Variants in RYR2 observed in about 807,000 individuals in gnomAD.
RYR2 encodes the protein ryanodine receptor 2.
Under a neutral mutation model 601.1 loss-of-function variants are expected in RYR2, and 227 were observed. The ratio of observed to expected loss-of-function variants is 0.38; its 90% CI spans 0.34 to 0.42. The LOEUF (loss-of-function observed/expected upper bound fraction) is 0.42, where lower values mean the gene tolerates loss of function less well. RYR2 is among the 10% of genes least tolerant of loss of function. The probability of loss-of-function intolerance (pLI) is 1.00; values close to 1 mark genes in which losing one functional copy is unlikely to be tolerated. For synonymous variants in RYR2, 2,223 were observed against 2,175.1 expected, an observed-to-expected ratio of 1.02 and a Z score of -0.61; for missense variants, 4,646 against 6,156.5, an observed-to-expected ratio of 0.75 and a Z score of 8.21.
intron 94 of RYR2, 115 bp from the exon 95 acceptor site, chr1:237,793,752 T>C (rs1428895306): frequency 1.3e-6 from 1 of 780,634 alleles, no homozygotes; most frequent in South Asian, 1.7e-5. Flanking sequence ...CATTTTTACC[T>C]TCCTAGAAGT....
At chr1:237,050,464 C>T (rs10925299) in intron 1 of RYR2, among the ~76,000 whole-genome samples, 33,627 of 152,154 alleles carry the variant, frequency 0.22, 5,978 homozygotes, top group African/African-American at 0.49. Context: ...CCACACATCT[C>T]ATCACCATGA....
chr1:237,602,760 G>A (rs1376474536), intron 35 of RYR2, among the ~76,000 whole-genome samples: 1 of 152,200 alleles, frequency 6.6e-6, no homozygotes, highest in Non-Finnish European at 1.5e-5. Context: ...TGTGCCATGT[G>A]AAAAGGTTAG....
At chr1:237,759,627 C>T (rs192938982) in intron 82 of RYR2, 149 bp from the exon 83 acceptor site, 1 of 645,426 alleles carries the variant, frequency 1.5e-6, no homozygotes, top group East Asian at 2.7e-5. Context: ...TGTGTTCCTA[C>T]TTCATGATAA....
chr1:237,491,158 TACCTAAAAATACCACG>T (rs1558908966), intron 17 of RYR2, among the ~76,000 whole-genome samples: 1 of 152,252 alleles, frequency 6.6e-6, no homozygotes, highest in Non-Finnish European at 1.5e-5. Flanking sequence ...TGGTGGCTAG[TACCTAAAAATACCACG>T]ATTTTTAATC....
At chr1:237,273,487 C>T (rs550348226) in intron 2 of RYR2, among the ~76,000 whole-genome samples, 16 of 152,036 alleles carry the variant, frequency 1.1e-4, no homozygotes, top group African/African-American at 2.9e-4. Context: ...GACTGTGGCA[C>T]GAGGAATGGT....
intron 72 of RYR2, among the ~76,000 whole-genome samples, chr1:237,718,055 C>A (rs999204841): frequency 6.6e-6 from 1 of 152,134 alleles, no homozygotes; most frequent in Non-Finnish European, 1.5e-5. Context: ...ACTGGCAGTT[C>A]TCTAGAGTTT....
At chr1:237,044,751 C>T (rs1660347192) in intron 1 of RYR2, among the ~76,000 whole-genome samples, 1 of 151,296 alleles carries the variant, frequency 6.6e-6, no homozygotes, top group South Asian at 2.1e-4. Context: ...GGCTTCTCCA[C>T]CCATTACCCT....
At chr1:237,110,149 G>A (rs1669293290) in intron 1 of RYR2, among the ~76,000 whole-genome samples, 1 of 151,916 alleles carries the variant, frequency 6.6e-6, no homozygotes. Context: ...TTTTACTCAA[G>A]TTCTTAAACT....
chr1:237,658,610 C>G (rs1034005650), intron 54 of RYR2, among the ~76,000 whole-genome samples: 4 of 152,140 alleles, frequency 2.6e-5, no homozygotes, highest in African/African-American at 9.7e-5. Context: ...CCAGGCTGGT[C>G]TCCAACTGTT....
At chr1:237,126,101 G>A (rs1240848827) in intron 1 of RYR2, among the ~76,000 whole-genome samples, 1 of 152,186 alleles carries the variant, frequency 6.6e-6, no homozygotes, top group Non-Finnish European at 1.5e-5. Flanking sequence ...GCCAGGCATG[G>A]TGGCGGGCGC....
intron 3 of RYR2, among the ~76,000 whole-genome samples, chr1:237,339,276 T>G (rs1163364373): frequency 1.3e-5 from 2 of 152,158 alleles, no homozygotes; most frequent in Non-Finnish European, 2.9e-5. Context: ...CTGCTTGGAA[T>G]ATGATAAGAA....
chr1:237,395,228 T>C (rs1381920550), intron 10 of RYR2, among the ~76,000 whole-genome samples: 2 of 152,194 alleles, frequency 1.3e-5, no homozygotes, highest in African/African-American at 2.4e-5. Flanking sequence ...TTGGTAAAAC[T>C]TAGATGGTAG....
chr1:237,466,704 A>G (rs938367017), intron 16 of RYR2, among the ~76,000 whole-genome samples: 1 of 151,398 alleles, frequency 6.6e-6, no homozygotes, highest in Non-Finnish European at 1.5e-5. Context: ...CGTATTTACC[A>G]TTTTTCACCC....
At chr1:237,671,398 T>G (rs143493822) in intron 58 of RYR2, among the ~76,000 whole-genome samples, 1 of 152,164 alleles carries the variant, frequency 6.6e-6, no homozygotes, top group East Asian at 1.9e-4. Flanking sequence ...GGGAGGATCC[T>G]TATAGCCAAC....
rs1476937108 is a variant in RYR2, at chr1:237,832,650, T to C, written c.*3T>C. 6.3e-7 allele frequency: 1 copy of C among 1,593,256 alleles called. No individual in the cohort carries two copies. Among genetic ancestry groups the C allele is most frequent in the Non-Finnish European group, 8.6e-7 (1 of 1,162,490 alleles). On this transcript the variant is annotated 3_prime_UTR_variant, in exon 105 of 105. Coordinates refer to ENST00000366574, the MANE Select transcript of RYR2 (RefSeq NM_001035.3). Reference sequence around the variant, plus strand: ...AGTATGAAGACCAGCTAAATTAAACTCAGACCCAATCACCTCTAAAAACCA... The same window carrying C: ...AGTATGAAGACCAGCTAAATTAAACCCAGACCCAATCACCTCTAAAAACCA...
intron 10 of RYR2, among the ~76,000 whole-genome samples, chr1:237,403,542 T>C (rs1182929671): frequency 6.6e-6 from 1 of 152,160 alleles, no homozygotes; most frequent in African/African-American, 2.4e-5. Flanking sequence ...TCTCCCACCT[T>C]GGTCTCCTGA....
chr1:237,106,214 G>A lies in RYR2; in HGVS notation c.48+63645G>A, dbSNP rs948969235. On this transcript the variant is annotated intron_variant, in intron 1 of 104. Transcript: ENST00000366574. This position sits in a 1 kb window ranked among gnomAD's most constrained non-coding sequence, Gnocchi z 4.4. Reference sequence around the variant, plus strand: ...TTTTCATTCTGAAAAGACCCGTCTGGCCACTGTGTTGAGAATAGATGTTCC... The same window carrying A: ...TTTTCATTCTGAAAAGACCCGTCTGACCACTGTGTTGAGAATAGATGTTCC... Among the ~76,000 whole-genome samples, 1 of 152,216 alleles carries A rather than the reference G, an allele frequency of 6.6e-6. No homozygotes were observed. The highest frequency in any genetic ancestry group is 1.5e-5 in the Non-Finnish European group (1 of 68,038).
intron 1 of RYR2, among the ~76,000 whole-genome samples, chr1:237,072,992 T>A (rs1664571778): frequency 6.7e-6 from 1 of 149,918 alleles, no homozygotes; most frequent in Non-Finnish European, 1.5e-5. Flanking sequence ...GTATAACTAA[T>A]GCTCCAGGAA....
intron 96 of RYR2, among the ~76,000 whole-genome samples, chr1:237,796,338 G>A (rs77951035): frequency 4.5e-4 from 68 of 152,132 alleles, no homozygotes; most frequent in African/African-American, 1.5e-3. Flanking sequence ...AAACCATAAT[G>A]GCAGCTAATC....
Sources: allele counts gnomAD v4.1 joint callset (sites outside exome capture counted in the v4.1 genomes callset), GRCh38; gene constraint gnomAD v4.1.1; non-coding constraint Gnocchi (gnomAD v3.1); transcripts MANE v1.5; gene names NCBI Gene and HGNC (gene_info 2026-07-23, HGNC 2026-07-21).